The following RADIL variants were observed in gnomAD, a reference collection of about 807,000 sequenced individuals.
RADIL encodes Rap associating with DIL domain, also known as ras-associating and dilute domain-containing protein.
In RADIL, 99 loss-of-function variants were observed where a neutral mutation model predicts 97.6. That is an observed-to-expected ratio of 1.01 (90% CI 0.86 to 1.20). RADIL has a LOEUF of 1.20. RADIL is among the 50% of genes most tolerant of loss of function. The pLI is 0.00. For missense variants in RADIL, 1,765 were observed against 1,498.9 expected, an observed-to-expected ratio of 1.18 and a Z score of -2.93; for synonymous variants, 803 against 691.8, an observed-to-expected ratio of 1.16 and a Z score of -2.52.
At chr7:4,841,346 C>G (rs559577787) in intron 2 of RADIL, among the ~76,000 whole-genome samples, 1 of 152,218 alleles carries the variant, frequency 6.6e-6, no homozygotes, top group Non-Finnish European at 1.5e-5. Flanking sequence ...TAAATGCCAT[C>G]TGGAAGTTTC....
chr7:4,865,814 A>G, intron 2 of RADIL: 2 of 776,752 alleles, frequency 2.6e-6, no homozygotes, highest in Non-Finnish European at 2.3e-6. Flanking sequence ...GCAGCAGCGG[A>G]GGCAGAAAGG....
At position 4,823,724 on chromosome 7, in the gene RADIL, C is replaced by T. The variant is rs1782898191; in HGVS notation, c.1455-1170G>A. Among the ~76,000 whole-genome samples the T allele has an allele frequency of 2.6e-5, 4 of 152,244 alleles. No individual in the cohort carries two copies. In the South Asian group the frequency reaches 8.3e-4, roughly 31 times the overall value. ...CTCCCAAACCCTTTCTCCCACATCT[C>T]TGGCACCAGCCGCAGGATGTGTCTG... On this transcript the variant is annotated intron_variant, in intron 5 of 14. Transcript: ENST00000399583.
intron 9 of RADIL, among the ~76,000 whole-genome samples, chr7:4,811,479 CTTTTTTTTTTT>C (rs35136302): frequency 4.4e-4 from 26 of 59,056 alleles, no homozygotes; most frequent in African/African-American, 1.4e-3. Flanking sequence ...GGTATTATTT[CTTTTTTTTTTT>C]TTTTTTTTTT....
chr7:4,877,105 G>A (rs1784392427), intron 2 of RADIL, among the ~76,000 whole-genome samples: 1 of 152,200 alleles, frequency 6.6e-6, no homozygotes, highest in African/African-American at 2.4e-5. Context: ...TATATCAGGA[G>A]CCTCTGAGGA....
intron 2 of RADIL, among the ~76,000 whole-genome samples, chr7:4,868,155 C>T (rs1394378878): frequency 5.9e-5 from 9 of 152,064 alleles, no homozygotes; most frequent in African/African-American, 1.2e-4. Context: ...CTCCGCCTCC[C>T]GGGTTCATGC....
intron 2 of RADIL, among the ~76,000 whole-genome samples, chr7:4,851,728 G>A (rs116285309): frequency 1.7e-4 from 26 of 152,340 alleles, no homozygotes; most frequent in African/African-American, 5.8e-4. Context: ...GGCAACAGGA[G>A]AGAGAGAAAT....
chr7:4,807,868 TCCC>T (rs569923181), intron 9 of RADIL, among the ~76,000 whole-genome samples: 17 of 11,720 alleles, frequency 1.5e-3, no homozygotes, highest in African/African-American at 4.1e-3. Context: ...TGCCTCTCTC[TCCC>T]CCCCATCTCT....
rs1312649168 is a variant in RADIL, at chr7:4,816,425, G to A, written c.1769C>T (p.Pro590Leu). Residue 590 changes from proline (P) to leucine (L), a missense_variant, in exon 8 of 15, where the codon CCA becomes CTA. Pro to Leu is a moderately conservative substitution (Grantham distance 98). Coordinates refer to ENST00000399583, the MANE Select transcript of RADIL (RefSeq NM_018059.5). The stretch of plus-strand genomic sequence containing the variant: ...GCTCTCACGGCGCTCCGTCTGGAAT[G>A]GCGGGCACTCCAGGAGTGCCGGGAG... Reference protein sequence around the residue: ...ICLPALLECPPFQTERRESWS... With the variant: ...ICLPALLECPLFQTERRESWS... 1.9e-6 allele frequency: 3 copies of A among 1,608,344 alleles called. No homozygotes were observed. The highest frequency in any genetic ancestry group is 1.7e-5 in the Admixed American group (1 of 59,266).
At chr7:4,836,740 C>T in intron 2 of RADIL, 135 bp from the exon 3 acceptor site, 1 of 1,177,466 alleles carries the variant, frequency 8.5e-7, no homozygotes, top group Non-Finnish European at 1.2e-6. Context: ...GAGCTCGAGA[C>T]CAGCCTGGCC....
At chr7:4,838,256 G>C (rs1248367408) in intron 2 of RADIL, among the ~76,000 whole-genome samples, 1 of 152,112 alleles carries the variant, frequency 6.6e-6, no homozygotes, top group Non-Finnish European at 1.5e-5. Flanking sequence ...CAGCCCCACA[G>C]CTCAGCCTCA....
At chr7:4,870,073 G>A (rs938354312) in intron 2 of RADIL, among the ~76,000 whole-genome samples, 11 of 152,208 alleles carry the variant, frequency 7.2e-5, no homozygotes, top group African/African-American at 2.4e-4. Context: ...CCAGGAGATC[G>A]AGGCTGCAGT....
chr7:4,811,613 A>C (rs1380229188), intron 9 of RADIL, among the ~76,000 whole-genome samples: 1 of 147,392 alleles, frequency 6.8e-6, no homozygotes, highest in African/African-American at 2.5e-5. Flanking sequence ...TCAGCCTCCC[A>C]AGTAGCTGGG....
chr7:4,832,985 G>A (rs1783190679), intron 4 of RADIL, among the ~76,000 whole-genome samples: 1 of 152,184 alleles, frequency 6.6e-6, no homozygotes, highest in African/African-American at 2.4e-5. Flanking sequence ...AGGGGGAAGA[G>A]GTGGACTCAG....
intron 10 of RADIL, 93 bp downstream of exon 10, chr7:4,805,473 C>T: frequency 1.4e-6 from 2 of 1,418,498 alleles, no homozygotes; most frequent in South Asian, 1.6e-5. Flanking sequence ...CCCCACACCC[C>T]ACTTCAGTTG....
chr7:4,855,756 G>A (rs1384514995), intron 2 of RADIL, among the ~76,000 whole-genome samples: 2 of 151,356 alleles, frequency 1.3e-5, no homozygotes, highest in Non-Finnish European at 2.9e-5. Context: ...GTGCTTATGC[G>A]CTTCTTTGGC....
chr7:4,831,699 G>A (rs892320087), intron 5 of RADIL, among the ~76,000 whole-genome samples: 1 of 148,324 alleles, frequency 6.7e-6, no homozygotes, highest in Non-Finnish European at 1.5e-5. Flanking sequence ...GGCCAATATC[G>A]TGAAACCCCA....
chr7:4,837,903 G>A lies in RADIL; in HGVS notation c.536-1298C>T. On this transcript the variant is annotated intron_variant, in intron 2 of 14. Transcript: ENST00000399583. This position sits in a 1 kb window ranked among gnomAD's most constrained non-coding sequence, Gnocchi z 5.6. Reference sequence around the variant, plus strand: ...CCCTGTACGCAGCCTTTCAGGTTAAGATCCATCCCCATCTGTGGCGGCCTT... The same window carrying A: ...CCCTGTACGCAGCCTTTCAGGTTAAAATCCATCCCCATCTGTGGCGGCCTT... 1.0e-6 allele frequency: 1 copy of A among 985,432 alleles called. No homozygotes were observed. Among genetic ancestry groups the A allele is most frequent in the Non-Finnish European group, 1.2e-6 (1 of 829,938 alleles). The allele number at this position is 985,432 out of a possible 1,614,324, so 61.0% of individuals were successfully genotyped here.
In RADIL at chr7:4,801,829, C is replaced by G; in HGVS notation, c.2666G>C (p.Gly889Ala). The G allele has an allele frequency of 1.2e-6, 2 of 1,604,886 alleles. No individual in the cohort carries two copies. The highest frequency in any genetic ancestry group is 1.7e-6 in the Non-Finnish European group (2 of 1,176,558). Residue 889 changes from glycine (G) to alanine (A), a missense_variant, in exon 12 of 15, where the codon GGC becomes GCC. Transcript: ENST00000399583. Reference protein sequence around the residue: ...APPGRQPSRGGSQAGPPHTDS... With the variant: ...APPGRQPSRGASQAGPPHTDS... ...CGTGTGCGGGGGGCCAGCCTGGGAG[C>G]CCCCACGGCTGGGTTGCCTTCCAGG...
In RADIL at chr7:4,842,545, G is replaced by A. The variant is rs557726172; in HGVS notation, c.536-5940C>T. On this transcript the variant is annotated intron_variant, in intron 2 of 14. Transcript: ENST00000399583. The surrounding 1 kb of genome is among the most constrained non-coding windows in gnomAD (Gnocchi z 4.5). ...GGGGGTGCACAGGGAAACTGGACAA[G>A]CAGCTGGTGACCGTCACCAGCTCCC... Among the ~76,000 whole-genome samples the A allele has an allele frequency of 1.6e-4, 25 of 152,264 alleles. 1 individual carries two copies. In the South Asian group the frequency reaches 4.6e-3, roughly 28 times the overall value.
Sources: gnomAD v4.1 joint callset for allele counts (sites outside exome capture counted in the v4.1 genomes callset) on GRCh38, gnomAD v4.1.1 for gene constraint, Gnocchi (gnomAD v3.1) non-coding constraint, MANE v1.5 for transcripts, NCBI Gene and HGNC (gene_info 2026-07-23, HGNC 2026-07-21) for gene names.